CAMK4: variants seen among roughly 807,000 people sequenced by gnomAD.
CAMK4 encodes calcium/calmodulin dependent protein kinase IV, also known as calcium/calmodulin-dependent protein kinase type IV.
In CAMK4, 22 loss-of-function variants were observed where a neutral mutation model predicts 44.9. The observed-to-expected ratio is 0.49, with a 90% confidence interval of 0.35 to 0.70. The LOEUF (loss-of-function observed/expected upper bound fraction) is 0.70. Among genes scored for constraint, CAMK4 ranks in the 30% least tolerant of loss-of-function variants. The pLI, the probability that CAMK4 is intolerant of heterozygous loss-of-function variation, is 0.01. For missense variants in CAMK4, 498 were observed against 586.8 expected (o/e 0.85, Z 1.56); for synonymous variants, 218 against 215.4 (o/e 1.01, Z -0.11).
chr5:111,418,777 A>AT (rs1201535875), intron 5 of CAMK4, among the ~76,000 whole-genome samples: 1 of 152,068 alleles, frequency 6.6e-6, no homozygotes, highest in Non-Finnish European at 1.5e-5. Flanking sequence ...TGAAGTCTTC[A>AT]TTTTTTATGG....
In CAMK4 at chr5:111,493,431, G is replaced by A. The variant is rs892820860; in HGVS notation, c.*8965G>A. The A allele has an allele frequency of 6.6e-5, 10 of 152,216 alleles. No homozygotes were observed. Among genetic ancestry groups the A allele is most frequent in the African/African-American group, 2.4e-4 (10 of 41,546 alleles). The allele number at this position is 152,216 out of a possible 1,614,324, so 9.4% of individuals were successfully genotyped here. On this transcript the variant is annotated 3_prime_UTR_variant, in exon 11 of 11. Transcript: ENST00000282356. This position sits in a 1 kb window ranked among gnomAD's most constrained non-coding sequence, Gnocchi z 4.1. The stretch of plus-strand genomic sequence containing the variant: ...ATGTCTCATGACTCCAAAAAATCAC[G>A]TACTTCCTAAAATGTTGCCAGTGGA...
intron 2 of CAMK4, among the ~76,000 whole-genome samples, chr5:111,371,769 A>G (rs932213453): frequency 1.3e-5 from 2 of 152,304 alleles, no homozygotes; most frequent in East Asian, 3.9e-4. Flanking sequence ...CACAAAGCAC[A>G]TAGATGTCAG....
At chr5:111,297,870 T>C (rs1561393580) in intron 1 of CAMK4, among the ~76,000 whole-genome samples, 1 of 152,224 alleles carries the variant, frequency 6.6e-6, no homozygotes, top group Non-Finnish European at 1.5e-5. Context: ...CCTGTAGTTG[T>C]GTTAGCTCAT....
intron 5 of CAMK4, among the ~76,000 whole-genome samples, chr5:111,433,576 C>T (rs545527895): frequency 7.6e-4 from 115 of 152,230 alleles, no homozygotes; most frequent in Admixed American, 1.8e-3. Flanking sequence ...CTACCCAGAA[C>T]GAAAGGAAGG....
At chr5:111,265,091 C>T (rs407132) in intron 1 of CAMK4, among the ~76,000 whole-genome samples, 151,227 of 152,212 alleles carry the variant, frequency 0.99, 75,131 homozygotes, top group Middle Eastern at 1. Flanking sequence ...CATGTTCATT[C>T]GTTTTGCTTG....
intron 2 of CAMK4, among the ~76,000 whole-genome samples, chr5:111,344,789 T>C (rs965269652): frequency 1.3e-5 from 2 of 151,824 alleles, no homozygotes; most frequent in Non-Finnish European, 2.9e-5. Flanking sequence ...ACACAGTAGA[T>C]GGGAGTTCAA....
chr5:111,286,383 A>G (rs1453273663), intron 1 of CAMK4, among the ~76,000 whole-genome samples: 2 of 152,222 alleles, frequency 1.3e-5, no homozygotes, highest in East Asian at 1.9e-4. Flanking sequence ...ATTTTTGCTT[A>G]TGTGTCCATA....
At chr5:111,351,308 A>G (rs1164170334) in intron 2 of CAMK4, among the ~76,000 whole-genome samples, 4 of 152,162 alleles carry the variant, frequency 2.6e-5, no homozygotes, top group Admixed American at 2.0e-4. Flanking sequence ...CAATTGACAG[A>G]CATTAGCTCC....
intron 1 of CAMK4, among the ~76,000 whole-genome samples, chr5:111,310,425 G>A (rs1457982484): frequency 6.6e-6 from 1 of 152,176 alleles, no homozygotes; most frequent in Non-Finnish European, 1.5e-5. Flanking sequence ...TGACAAAAGA[G>A]GCATGAGCCA....
chr5:111,443,804 T>A (rs552116162), intron 5 of CAMK4, among the ~76,000 whole-genome samples: 61 of 152,320 alleles, frequency 4.0e-4, no homozygotes, highest in African/African-American at 1.3e-3. Flanking sequence ...ATGGAGTTTC[T>A]AAATTGGGTA....
rs1303134719 is a variant in CAMK4 at position 111,290,824 on chromosome 5, C to T, written c.162-53200C>T. ...AATACCTGGGGAGTAGAAAATCACACGTCTCTTGGAGGTTTATTTAAAAGT... is the reference window on the plus strand; with the variant it reads ...AATACCTGGGGAGTAGAAAATCACATGTCTCTTGGAGGTTTATTTAAAAGT... On this transcript the variant is annotated intron_variant, in intron 1 of 10. Transcript: ENST00000282356. The surrounding 1 kb of genome is among the most constrained non-coding windows in gnomAD (Gnocchi z 4.5). Among the ~76,000 whole-genome samples, 6 of 152,136 alleles carry T rather than the reference C, an allele frequency of 3.9e-5. No homozygotes were observed. Among genetic ancestry groups the T allele is most frequent in the Non-Finnish European group, 7.3e-5 (5 of 68,028 alleles).
chr5:111,350,404 T>C (rs1413288278), intron 2 of CAMK4, among the ~76,000 whole-genome samples: 1 of 152,068 alleles, frequency 6.6e-6, no homozygotes, highest in African/African-American at 2.4e-5. Flanking sequence ...ATTAACTACA[T>C]TGGTTTTGGA....
chr5:111,298,025 G>A (rs1206348470), intron 1 of CAMK4, among the ~76,000 whole-genome samples: 1 of 152,076 alleles, frequency 6.6e-6, no homozygotes, highest in Non-Finnish European at 1.5e-5. Flanking sequence ...TTCAACTGGT[G>A]GTATCTCTAA....
intron 1 of CAMK4, among the ~76,000 whole-genome samples, chr5:111,339,564 C>G (rs1470573754): frequency 6.6e-6 from 1 of 151,288 alleles, no homozygotes; most frequent in Non-Finnish European, 1.5e-5. Flanking sequence ...TCAGGGATCT[C>G]TATTTGTTCC....
chr5:111,396,628 A>ATTTTT (rs1210775733), intron 5 of CAMK4, among the ~76,000 whole-genome samples: 6 of 41,300 alleles, frequency 1.5e-4, no homozygotes, highest in African/African-American at 4.2e-4. Flanking sequence ...ATTAACTCAT[A>ATTTTT]TTCTTTTTTT....
chr5:111,369,062 A>T (rs183351303), intron 2 of CAMK4, among the ~76,000 whole-genome samples: 4 of 148,928 alleles, frequency 2.7e-5, no homozygotes, highest in African/African-American at 7.3e-5. Context: ...ATATAATAAT[A>T]ATAATTATTA....
At chr5:111,238,129 G>A (rs2112511347) in intron 1 of CAMK4, among the ~76,000 whole-genome samples, 1 of 152,284 alleles carries the variant, frequency 6.6e-6, no homozygotes, top group Non-Finnish European at 1.5e-5. Context: ...CTCCTTACCA[G>A]CTTTACTTCT....
chr5:111,224,683 C>T lies in CAMK4; in HGVS notation c.161+39C>T, dbSNP rs779446042. 6.3e-7 allele frequency: 1 copy of T among 1,578,608 alleles called. No individual in the cohort carries two copies. Among genetic ancestry groups the T allele is most frequent in the Non-Finnish European group, 8.6e-7 (1 of 1,161,954 alleles). ...TCCGGCTGGGGAAGCCCGCGGCGTG[C>T]ACTGGGGGTTGTCCCTCTCGCAGCG... On this transcript the variant is annotated intron_variant, in intron 1 of 10. Coordinates refer to ENST00000282356, the MANE Select transcript of CAMK4 (RefSeq NM_001744.6). This position sits in a 1 kb window ranked among gnomAD's most constrained non-coding sequence, Gnocchi z 5.7.
In CAMK4 at chr5:111,224,398, C is replaced by T. The variant is rs1281883987; in HGVS notation, c.-86C>T. 5.5e-6 allele frequency: 8 copies of T among 1,464,062 alleles called. No individual in the cohort carries two copies. Among genetic ancestry groups the T allele is most frequent in the African/African-American group, 1.5e-5 (1 of 67,342 alleles). The allele number at this position is 1,464,062 out of a possible 1,614,324, so 90.7% of individuals were successfully genotyped here. A position where few individuals can be genotyped will look rare whatever the true frequency, so the allele number is the denominator to read the frequency against. ...GGACGCCGCCTCTCTCTCGCTCCTGCGTTCGCAGGCGGCGGCTGGCGGCCG... is the reference window on the plus strand; with the variant it reads ...GGACGCCGCCTCTCTCTCGCTCCTGTGTTCGCAGGCGGCGGCTGGCGGCCG... On this transcript the variant is annotated 5_prime_UTR_variant, in exon 1 of 11. Coordinates refer to ENST00000282356, the MANE Select transcript of CAMK4 (RefSeq NM_001744.6). The surrounding 1 kb of genome is among the most constrained non-coding windows in gnomAD (Gnocchi z 5.7).
Sources: gnomAD v4.1 joint callset for allele counts (sites outside exome capture counted in the v4.1 genomes callset) on GRCh38, gnomAD v4.1.1 for gene constraint, Gnocchi (gnomAD v3.1) non-coding constraint, MANE v1.5 for transcripts, NCBI Gene and HGNC (gene_info 2026-07-23, HGNC 2026-07-21) for gene names.